KATNAL1: variants seen among roughly 807,000 people sequenced by gnomAD.
KATNAL1 encodes the protein katanin catalytic subunit A1 like 1.
Under a neutral mutation model 55.2 loss-of-function variants are expected in KATNAL1, and 32 were observed. The observed-to-expected ratio is 0.58, with a 90% confidence interval of 0.44 to 0.78. The LOEUF is 0.78. KATNAL1 is among the 30% of genes least tolerant of loss of function. KATNAL1 has a pLI of 0.00. For synonymous variants in KATNAL1, 193 were observed against 193.6 expected (o/e 1.00, Z 0.02); for missense variants, 466 against 600.9 (o/e 0.78, Z 2.35).
chr13:30,270,104 C>G (rs1330834432), intron 3 of KATNAL1, among the ~76,000 whole-genome samples: 1 of 137,908 alleles, frequency 7.3e-6, no homozygotes, highest in African/African-American at 2.5e-5. Flanking sequence ...CGGCCAGCCG[C>G]CCCGTCCGGG....
intron 3 of KATNAL1, among the ~76,000 whole-genome samples, chr13:30,263,813 C>T (rs906985880): frequency 3.5e-5 from 5 of 141,282 alleles, no homozygotes; most frequent in African/African-American, 5.3e-5. Flanking sequence ...AGGTAATTTA[C>T]AGATTCAATG....
intron 1 of KATNAL1, among the ~76,000 whole-genome samples, chr13:30,302,678 G>T (rs1220805995): frequency 6.6e-6 from 1 of 152,120 alleles, no homozygotes; most frequent in Non-Finnish European, 1.5e-5. Flanking sequence ...AAAATACATT[G>T]TTTTTTGGAG....
chr13:30,225,395 TA>T (rs1306175883), intron 9 of KATNAL1, among the ~76,000 whole-genome samples: 2 of 151,666 alleles, frequency 1.3e-5, no homozygotes, highest in East Asian at 1.9e-4. Context: ...TGACAACTTA[TA>T]AAAAAAATAG....
intron 3 of KATNAL1, among the ~76,000 whole-genome samples, chr13:30,271,686 T>C (rs903005011): frequency 1.3e-5 from 2 of 151,998 alleles, no homozygotes; most frequent in African/African-American, 4.8e-5. Context: ...GGCAGGGACA[T>C]AGATCCAAAC....
chr13:30,266,274 T>G (rs1287825307), intron 3 of KATNAL1, among the ~76,000 whole-genome samples: 2 of 152,070 alleles, frequency 1.3e-5, no homozygotes, highest in African/African-American at 4.8e-5. Flanking sequence ...AGTGCTGGGA[T>G]TACAGGGGTG....
At chr13:30,265,677 G>T (rs1374361322) in intron 3 of KATNAL1, among the ~76,000 whole-genome samples, 1 of 151,164 alleles carries the variant, frequency 6.6e-6, no homozygotes, top group Non-Finnish European at 1.5e-5. Flanking sequence ...GAGCCTAGCA[G>T]ATTTTAGAAG....
chr13:30,257,542 C>CA (rs1283002190), intron 3 of KATNAL1, among the ~76,000 whole-genome samples: 4 of 151,232 alleles, frequency 2.6e-5, no homozygotes, highest in African/African-American at 4.8e-5. Context: ...CAGCAGGTCT[C>CA]AGACAACATT....
intron 9 of KATNAL1, 143 bp downstream of exon 9, chr13:30,227,269 G>A (rs1875591369): frequency 1.6e-6 from 1 of 625,972 alleles, no homozygotes; most frequent in Non-Finnish European, 2.7e-6. Context: ...ATAGAGTACT[G>A]TGGCCTGTGT....
At chr13:30,220,567 C>A (rs1051260903) in intron 9 of KATNAL1, among the ~76,000 whole-genome samples, 10 of 152,130 alleles carry the variant, frequency 6.6e-5, no homozygotes, top group African/African-American at 2.2e-4. Context: ...TGTGTATGAG[C>A]CAGGTATTAA....
Position 30,283,689 on chromosome 13 carries a change from T to A in KATNAL1, c.89A>T (p.Gln30Leu), listed in dbSNP as rs374648576. The A allele has an allele frequency of 6.2e-7, 1 of 1,613,992 alleles. No individual in the cohort carries two copies. Among genetic ancestry groups the A allele is most frequent in the African/African-American group, 1.3e-5 (1 of 74,926 alleles). ...GNYDSSMVYY[Q>L]GVMQQIQRHC... ...TCTCTGAATCTGCTGCATCACCCCC[T>A]GGTAATATACCATTGATGAGTCGTA... The change falls in exon 2 of 11, where the codon CAG (glutamine) becomes CTG (leucine). Residue 30 changes from glutamine (Q) to leucine (L), a missense_variant. By Grantham distance (113) the Gln-to-Leu change is moderately radical. Around this residue, in one of 3 missense-constraint regions of KATNAL1, gnomAD observed 248 missense variants for 275.5 expected, o/e 0.90. Transcript: ENST00000380615.
rs1416111622 is a variant in KATNAL1 at position 30,205,971 on chromosome 13, T to C, written c.*2569A>G. On this transcript the variant is annotated 3_prime_UTR_variant, in exon 11 of 11. Coordinates refer to ENST00000380615, the MANE Select transcript of KATNAL1 (RefSeq NM_032116.5). ...GTGTGTGTGTGTGTGTGTGTGTGTG[T>C]GTGTGTGTGTGTTGTATATTAAAAG... 1 of 101,872 alleles carries C rather than the reference T, an allele frequency of 9.8e-6. No homozygotes were observed. The highest frequency in any genetic ancestry group is 3.0e-5 in the African/African-American group (1 of 33,186). The allele number at this position is 101,872 out of a possible 1,614,324, so 6.3% of individuals were successfully genotyped here.
chr13:30,230,973 T>C (rs1876042673), intron 7 of KATNAL1, among the ~76,000 whole-genome samples: 1 of 152,216 alleles, frequency 6.6e-6, no homozygotes, highest in Non-Finnish European at 1.5e-5. Flanking sequence ...CGGGTCAGAC[T>C]CTGATTTTTA....
chr13:30,220,096 T>C (rs1339247959), intron 9 of KATNAL1, among the ~76,000 whole-genome samples: 1 of 152,220 alleles, frequency 6.6e-6, no homozygotes, highest in Non-Finnish European at 1.5e-5. Flanking sequence ...TTTTTATTTA[T>C]AATCACTGTA....
At chr13:30,258,393 T>C (rs2137469833) in intron 3 of KATNAL1, among the ~76,000 whole-genome samples, 1 of 152,368 alleles carries the variant, frequency 6.6e-6, no homozygotes, top group South Asian at 2.1e-4. Flanking sequence ...ATGTCACATA[T>C]ATGCTTTGCA....
intron 4 of KATNAL1, among the ~76,000 whole-genome samples, chr13:30,250,743 T>C (rs979616144): frequency 2.0e-5 from 3 of 152,260 alleles, no homozygotes; most frequent in South Asian, 4.1e-4. Context: ...TAATTTGCCA[T>C]ACTTTAATCT....
chr13:30,240,409 T>C lies in KATNAL1; in HGVS notation c.726+51A>G, dbSNP rs765609625. The C allele has an allele frequency of 4.7e-6, 6 of 1,268,038 alleles. No individual in the cohort carries two copies. In the African/African-American group the frequency reaches 8.8e-5, roughly 19 times the overall value. 78.5% of individuals were successfully genotyped at this position (1,268,038 alleles called of 1,614,324 possible). The stretch of plus-strand genomic sequence containing the variant: ...AAACTACAGCAATGCTGCCTTTCAT[T>C]CCAGTGCCAAGTAGCATTCTTATAT... On this transcript the variant is annotated intron_variant, in intron 6 of 10. Coordinates refer to ENST00000380615, the MANE Select transcript of KATNAL1 (RefSeq NM_032116.5).
chr13:30,303,409 A>C (rs1882983323), intron 1 of KATNAL1, among the ~76,000 whole-genome samples: 1 of 152,146 alleles, frequency 6.6e-6, no homozygotes, highest in Non-Finnish European at 1.5e-5. Context: ...AAAATGTTTA[A>C]AATAATGTTG....
At chr13:30,225,097 T>C (rs1469158026) in intron 9 of KATNAL1, among the ~76,000 whole-genome samples, 1 of 152,214 alleles carries the variant, frequency 6.6e-6, no homozygotes, top group East Asian at 1.9e-4. Context: ...TTGAGCCAGG[T>C]ATACATTTAG....
chr13:30,212,386 G>C (rs1224413976), intron 9 of KATNAL1, among the ~76,000 whole-genome samples: 2 of 152,234 alleles, frequency 1.3e-5, no homozygotes, highest in Non-Finnish European at 2.9e-5. Flanking sequence ...AGCGTGCCTG[G>C]CAATGCACAG....
Sources: gnomAD v4.1 joint callset for allele counts (sites outside exome capture counted in the v4.1 genomes callset) on GRCh38, gnomAD v4.1.1 for gene constraint, gnomAD v4.1.1 regional missense constraint, MANE v1.5 for transcripts, NCBI Gene and HGNC (gene_info 2026-07-23, HGNC 2026-07-21) for gene names.